Variants in GPC1 observed in about 807,000 individuals in gnomAD.
GPC1 encodes the protein glypican 1, also known as glypican-1.
A neutral mutation model predicts 51.5 loss-of-function variants in GPC1; 26 were observed. The observed-to-expected ratio is 0.50, with a 90% CI of 0.37 to 0.70. GPC1 has a LOEUF of 0.70. Ranked by LOEUF, GPC1 falls within the 30% of genes least tolerant of loss-of-function variation. The pLI is 0.00. For missense variants in GPC1, 775 were observed against 800.5 expected (o/e 0.97, Z 0.38); for synonymous variants, 380 against 348.3 (o/e 1.09, Z -1.01).
intron 1 of GPC1, among the ~76,000 whole-genome samples, chr2:240,439,644 C>T (rs1007090782): frequency 6.6e-6 from 1 of 152,220 alleles, no homozygotes; most frequent in African/African-American, 2.4e-5. Context: ...CCTCTCCTTC[C>T]CACATCCCTG....
At chr2:240,447,860 G>T (rs1002302814) in intron 1 of GPC1, among the ~76,000 whole-genome samples, 4 of 152,176 alleles carry the variant, frequency 2.6e-5, no homozygotes, top group Non-Finnish European at 5.9e-5. Context: ...AGGCCAGGCT[G>T]GGGAGCCACA....
At chr2:240,447,839 G>C (rs1482617841) in intron 1 of GPC1, among the ~76,000 whole-genome samples, 3 of 152,158 alleles carry the variant, frequency 2.0e-5, no homozygotes, top group Non-Finnish European at 4.4e-5. Flanking sequence ...GCACTCCATG[G>C]GGAGGGAGGA....
chr2:240,439,290 G>A (rs2074003389), intron 1 of GPC1, among the ~76,000 whole-genome samples: 1 of 152,190 alleles, frequency 6.6e-6, no homozygotes, highest in Non-Finnish European at 1.5e-5. Context: ...TGTGCTGGGT[G>A]GGGAGCGGGA....
At chr2:240,459,550 A>G (rs1279568406) in intron 2 of GPC1, among the ~76,000 whole-genome samples, 5 of 152,220 alleles carry the variant, frequency 3.3e-5, no homozygotes, top group Non-Finnish European at 7.4e-5. Flanking sequence ...CAGCTCGTCA[A>G]GTGCCCCAGG....
At chr2:240,463,037 T>C (rs1424434232) in intron 3 of GPC1, among the ~76,000 whole-genome samples, 1 of 152,162 alleles carries the variant, frequency 6.6e-6, no homozygotes, top group Non-Finnish European at 1.5e-5. Context: ...GGCGTCAGCC[T>C]CAGACCCACA....
rs138227578 is a variant in GPC1, at chr2:240,449,842, G to C, written c.167-9188G>C. 3 of 470,140 alleles carry C rather than the reference G, an allele frequency of 6.4e-6. No homozygotes were observed. In the Admixed American group the frequency reaches 7.0e-5, roughly 11 times the overall value. 29.1% of individuals were successfully genotyped at this position (470,140 alleles called of 1,614,324 possible). On this transcript the variant is annotated intron_variant, in intron 1 of 8. Coordinates refer to ENST00000264039, the MANE Select transcript of GPC1 (RefSeq NM_002081.3). ...TGTCTGGCTTCTTTCACTCAGCGTC[G>C]TCCTCAAGGTTCCTCCACGCCGGAG...
intron 3 of GPC1, among the ~76,000 whole-genome samples, chr2:240,462,890 A>C (rs2074228734): frequency 6.6e-6 from 1 of 152,112 alleles, no homozygotes; most frequent in Non-Finnish European, 1.5e-5. Context: ...CTGTGGAGTG[A>C]AAGTGCAGAG....
chr2:240,453,373 CCGCCCCG>C (rs1353426029), intron 1 of GPC1, among the ~76,000 whole-genome samples: 1,145 of 10,050 alleles, frequency 0.11, 413 homozygotes, highest in Non-Finnish European at 0.15. Context: ...CTCCCTCCGC[CCGCCCCG>C]CTCCCTCCGC....
At chr2:240,461,322 GC>G (rs2074213110) in intron 2 of GPC1, among the ~76,000 whole-genome samples, 1 of 152,340 alleles carries the variant, frequency 6.6e-6, no homozygotes. Context: ...GAGAGCCTCT[GC>G]CCTGCTACCC....
At position 240,466,082 on chromosome 2, in the gene GPC1, G is replaced by GCGGT; in HGVS notation, c.1470_1473dup (p.Asp492ArgfsTer2). The GCGGT allele has an allele frequency of 6.2e-7, 1 of 1,611,830 alleles. No individual in the cohort carries two copies. ...GGTGACGACGGCAGCGGCTCGGGCAGCGGTGATGGCTGTCTGGATGACCTC... is the reference window on the plus strand; with the variant it reads ...GGTGACGACGGCAGCGGCTCGGGCAGCGGTCGGTGATGGCTGTCTGGATGACCTC... On this transcript the variant is annotated frameshift_variant, in exon 9 of 9. Transcript: ENST00000264039. LOFTEE classifies it low-confidence loss of function (END_TRUNC).
intron 1 of GPC1, among the ~76,000 whole-genome samples, chr2:240,439,610 G>A (rs1405362327): frequency 6.6e-6 from 1 of 152,194 alleles, no homozygotes; most frequent in Non-Finnish European, 1.5e-5. Flanking sequence ...CAGACTCTGG[G>A]GAACCATCCT....
chr2:240,446,242 A>G (rs1271082815), intron 1 of GPC1, among the ~76,000 whole-genome samples: 4 of 152,228 alleles, frequency 2.6e-5, no homozygotes, highest in Non-Finnish European at 4.4e-5. Context: ...GAGCAGGGCC[A>G]TCTGCCTGCC....
chr2:240,463,267 C>T (rs1045460581), intron 3 of GPC1, 80 bp from the exon 4 acceptor site: 14 of 1,283,652 alleles, frequency 1.1e-5, no homozygotes, highest in Admixed American at 1.8e-5. Context: ...AGCCCCCTAC[C>T]CTGGGGCTTC....
At chr2:240,454,903 G>A in intron 1 of GPC1, 1 of 211,208 alleles carries the variant, frequency 4.7e-6, no homozygotes, top group South Asian at 5.7e-5. Context: ...ATTGGGGATG[G>A]GGGCCACTGT....
At chr2:240,437,451 TC>T (rs1355355491) in intron 1 of GPC1, among the ~76,000 whole-genome samples, 2 of 151,370 alleles carry the variant, frequency 1.3e-5, no homozygotes, top group African/African-American at 4.9e-5. Context: ...CCCGATGCCC[TC>T]CCCACCAGCC....
chr2:240,457,003 C>T (rs992858431), intron 1 of GPC1, among the ~76,000 whole-genome samples: 3 of 152,166 alleles, frequency 2.0e-5, no homozygotes, highest in African/African-American at 7.2e-5. Flanking sequence ...TCTGTTGGAC[C>T]CCCAACTCCC....
At chr2:240,445,194 T>C (rs1318154303) in intron 1 of GPC1, among the ~76,000 whole-genome samples, 9 of 152,158 alleles carry the variant, frequency 5.9e-5, no homozygotes, top group Non-Finnish European at 1.2e-4. Flanking sequence ...TGGTAGGTGT[T>C]AGAACAGGTG....
Position 240,464,646 on chromosome 2 carries a change from G to C in GPC1, c.914G>C (p.Trp305Ser). 6.2e-7 allele frequency: 1 copy of C among 1,611,948 alleles called. No homozygotes were observed. Residue 305 changes from tryptophan (W) to serine (S), a missense_variant, in exon 5 of 9, where the codon TGG (tryptophan) becomes TCG (serine). Transcript: ENST00000264039. ...DSMVLITDKF[W>S]GTSGVESVIG... ...ATGGTGCTCATCACCGACAAGTTCTGGGGTACATCGGGTGTGGAGAGTGTC... is the reference window on the plus strand; with the variant it reads ...ATGGTGCTCATCACCGACAAGTTCTCGGGTACATCGGGTGTGGAGAGTGTC...
intron 2 of GPC1, 138 bp from the exon 3 acceptor site, chr2:240,462,053 G>T: frequency 1.2e-6 from 1 of 837,248 alleles, no homozygotes; most frequent in South Asian, 2.2e-5. Flanking sequence ...GCCCACAGCC[G>T]CTGCAGTGTG....
Sources: gnomAD v4.1 joint callset for allele counts (sites outside exome capture counted in the v4.1 genomes callset) on GRCh38, gnomAD v4.1.1 for gene constraint, MANE v1.5 for transcripts, NCBI Gene and HGNC (gene_info 2026-07-23, HGNC 2026-07-21) for gene names.